Variants in RPS6KB1 observed in about 807,000 individuals in gnomAD.
RPS6KB1 encodes the protein ribosomal protein S6 kinase beta-1.
RPS6KB1 carries 12 observed loss-of-function variants against 70.2 expected under a neutral mutation model. That is an observed-to-expected ratio of 0.17 (90% CI 0.11 to 0.28). The LOEUF is 0.28. RPS6KB1 is among the 10% of genes least tolerant of loss of function. The probability of loss-of-function intolerance (pLI) is 1.00; values close to 1 mark genes in which losing one functional copy is unlikely to be tolerated. For missense variants in RPS6KB1, 270 were observed against 646.6 expected (o/e 0.42, Z 6.32); for synonymous variants, 175 against 211.2 (o/e 0.83, Z 1.49).
intron 2 of RPS6KB1, 107 bp from the exon 3 acceptor site, chr17:59,912,577 A>G: frequency 8.7e-7 from 1 of 1,145,932 alleles, no homozygotes; most frequent in South Asian, 1.6e-5. Flanking sequence ...GTACTTTTTT[A>G]CTTTTACTTA....
At chr17:59,912,495 A>G (rs2042707344) in intron 2 of RPS6KB1, 189 bp from the exon 3 acceptor site, 3 of 515,772 alleles carry the variant, frequency 5.8e-6, no homozygotes, top group East Asian at 6.4e-5. Context: ...ACAAGGAGGC[A>G]AACGATTATC....
In RPS6KB1 at chr17:59,946,995, A is replaced by G; in HGVS notation, c.*207A>G. ...ACTTAAAGCAAAATAGTATTGCTGA[A>G]CTCTTAGGCACATCAATTAATTGAT... On this transcript the variant is annotated 3_prime_UTR_variant, in exon 15 of 15. Coordinates refer to ENST00000225577, the MANE Select transcript of RPS6KB1 (RefSeq NM_003161.4). This position sits in a 1 kb window ranked among gnomAD's most constrained non-coding sequence, Gnocchi z 4.2. The G allele has an allele frequency of 2.9e-6, 4 of 1,392,306 alleles. No individual in the cohort carries two copies. Among genetic ancestry groups the G allele is most frequent in the Non-Finnish European group, 3.7e-6 (4 of 1,073,356 alleles). The allele number at this position is 1,392,306 out of a possible 1,614,324, so 86.2% of individuals were successfully genotyped here.
At chr17:59,938,184 T>TTTG (rs1568492712) in intron 12 of RPS6KB1, among the ~76,000 whole-genome samples, 1 of 109,136 alleles carries the variant, frequency 9.2e-6, no homozygotes, top group Non-Finnish European at 1.8e-5. Context: ...TTTTTTTTTT[T>TTTG]GGGGGGGGGA....
intron 4 of RPS6KB1, among the ~76,000 whole-genome samples, chr17:59,919,947 A>T (rs994734922): frequency 6.6e-6 from 1 of 151,646 alleles, no homozygotes; most frequent in African/African-American, 2.4e-5. Flanking sequence ...ATCTTACCCC[A>T]CTCTGCTACA....
Position 59,893,142 on chromosome 17 carries a change from T to TGATGGC in RPS6KB1, c.-41_-36dup. Reference sequence around the variant, plus strand: ...AGACGCACTGAGCCTAAGCAGCCGGTGATGGCGGCAGCGGCTGTGGTGGCT... The same window carrying TGATGGC: ...AGACGCACTGAGCCTAAGCAGCCGGTGATGGCGATGGCGGCAGCGGCTGTGGTGGCT... On this transcript the variant is annotated 5_prime_UTR_variant, in exon 1 of 15. It adds an upstream start codon to the 5' untranslated region. Transcript: ENST00000225577. The surrounding 1 kb of genome is among the most constrained non-coding windows in gnomAD (Gnocchi z 4.1). The TGATGGC allele has an allele frequency of 6.3e-7, 1 of 1,596,532 alleles. No homozygotes were observed. The highest frequency in any genetic ancestry group is 1.1e-5 in the South Asian group (1 of 88,434).
chr17:59,934,447 T>C lies in RPS6KB1; in HGVS notation c.793T>C (p.Leu265=). 4 of 1,613,786 alleles carry C rather than the reference T, an allele frequency of 2.5e-6. No individual in the cohort carries two copies. The highest frequency in any genetic ancestry group is 3.4e-6 in the Non-Finnish European group (4 of 1,179,724). The change falls in exon 9 of 15, where the codon TTG becomes CTG. Residue 265 remains leucine, a synonymous_variant. Coordinates refer to ENST00000225577, the MANE Select transcript of RPS6KB1 (RefSeq NM_003161.4). The surrounding 1 kb of genome is among the most constrained non-coding windows in gnomAD (Gnocchi z 4.8). Reference sequence around the variant, plus strand: ...TCCTCATTGTAGGGCCCCTGAAATCTTGATGAGAAGTGGCCACAATCGTGC... The same window carrying C: ...TCCTCATTGTAGGGCCCCTGAAATCCTGATGAGAAGTGGCCACAATCGTGC... ...GTIEYMAPEI[L]MRSGHNRAVD...
intron 12 of RPS6KB1, among the ~76,000 whole-genome samples, chr17:59,939,925 G>T (rs1252208150): frequency 3.3e-5 from 5 of 152,048 alleles, no homozygotes; most frequent in Non-Finnish European, 5.9e-5. Flanking sequence ...AAAGAGAGAA[G>T]GAATTAAATA....
intron 3 of RPS6KB1, 57 bp from the exon 4 acceptor site, chr17:59,914,578 A>C: frequency 8.2e-7 from 1 of 1,225,024 alleles, no homozygotes. Context: ...CTAGGAATTA[A>C]GGGAGTATGC....
intron 4 of RPS6KB1, among the ~76,000 whole-genome samples, chr17:59,919,489 C>G (rs912034545): frequency 1.1e-4 from 17 of 151,452 alleles, no homozygotes; most frequent in Admixed American, 4.0e-4. Context: ...GTCTGTAGAT[C>G]TTTTTTTTTC....
intron 4 of RPS6KB1, among the ~76,000 whole-genome samples, chr17:59,924,782 T>C (rs2043498752): frequency 6.6e-6 from 1 of 151,494 alleles, no homozygotes; most frequent in South Asian, 2.1e-4. Flanking sequence ...TTTTGTATCT[T>C]GTTTTTATAG....
intron 1 of RPS6KB1, among the ~76,000 whole-genome samples, chr17:59,902,984 C>A (rs1371041109): frequency 6.6e-6 from 1 of 151,820 alleles, no homozygotes; most frequent in East Asian, 1.9e-4. Context: ...AATTCCAGAC[C>A]GGCCTGGGCA....
intron 4 of RPS6KB1, among the ~76,000 whole-genome samples, chr17:59,919,836 C>G (rs2043166991): frequency 6.6e-6 from 1 of 151,982 alleles, no homozygotes; most frequent in Non-Finnish European, 1.5e-5. Flanking sequence ...TTAATTTTTT[C>G]CCTTCCTTCT....
chr17:59,927,441 C>T (rs1003509397), intron 5 of RPS6KB1, among the ~76,000 whole-genome samples: 1 of 151,878 alleles, frequency 6.6e-6, no homozygotes, highest in African/African-American at 2.4e-5. Context: ...TTTGCAGTAA[C>T]GTGTAACATG....
At position 59,924,198 on chromosome 17, in the gene RPS6KB1, A is replaced by G. The variant is rs547001834; in HGVS notation, c.382-2237A>G. On this transcript the variant is annotated intron_variant, in intron 4 of 14. Coordinates refer to ENST00000225577, the MANE Select transcript of RPS6KB1 (RefSeq NM_003161.4). ...ACAAAAATTAGCCAGGTGTGGTGGCAGGTGCCTGTAGTCCCAGCTACTTGG... is the reference window on the plus strand; with the variant it reads ...ACAAAAATTAGCCAGGTGTGGTGGCGGGTGCCTGTAGTCCCAGCTACTTGG... Among the ~76,000 whole-genome samples the G allele has an allele frequency of 1.2e-4, 19 of 152,164 alleles. No individual in the cohort carries two copies. In the East Asian group the frequency reaches 2.9e-3, roughly 23 times the overall value.
In RPS6KB1 at chr17:59,914,723, T is replaced by C; in HGVS notation, c.381+20T>C. Reference sequence around the variant, plus strand: ...AAAAAGGTGATTTCCACTCCCCCTTTTTAGTCCTCACACACCATATTTTTA... The same window carrying C: ...AAAAAGGTGATTTCCACTCCCCCTTCTTAGTCCTCACACACCATATTTTTA... On this transcript the variant is annotated intron_variant, in intron 4 of 14. Coordinates refer to ENST00000225577, the MANE Select transcript of RPS6KB1 (RefSeq NM_003161.4). 6.5e-7 allele frequency: 1 copy of C among 1,546,870 alleles called. No homozygotes were observed. The highest frequency in any genetic ancestry group is 1.7e-5 in the Admixed American group (1 of 59,014).
In RPS6KB1 at chr17:59,912,691, G is replaced by A. The variant is rs369352640; in HGVS notation, c.199G>A (p.Glu67Lys). Residue 67 changes from glutamate to lysine, a missense_variant, in exon 3 of 15, where the codon GAA becomes AAA. By Grantham distance (56) the Glu-to-Lys change is moderately conservative. Coordinates refer to ENST00000225577, the MANE Select transcript of RPS6KB1 (RefSeq NM_003161.4). ...TTTTGCTTTTCTTCCCAGTGGCATG[G>A]AACATTGTGAGAAATTTGAAATCTC... ...GGVGPYELGMEHCEKFEISET... is the reference protein window; with the variant it reads ...GGVGPYELGMKHCEKFEISET... 1 of 1,612,594 alleles carries A rather than the reference G, an allele frequency of 6.2e-7. No individual in the cohort carries two copies. Among genetic ancestry groups the A allele is most frequent in the African/African-American group, 1.3e-5 (1 of 74,864 alleles).
chr17:59,944,288 G>C (rs1047715226), intron 13 of RPS6KB1, among the ~76,000 whole-genome samples: 10 of 152,206 alleles, frequency 6.6e-5, no homozygotes, highest in African/African-American at 2.4e-4. Flanking sequence ...TTAAAAGAAT[G>C]AACATTGACA....
chr17:59,909,904 C>T (rs1428431712), intron 1 of RPS6KB1, among the ~76,000 whole-genome samples: 4 of 151,942 alleles, frequency 2.6e-5, no homozygotes, highest in Admixed American at 6.6e-5. Flanking sequence ...CCCAGCTACT[C>T]GGAAGGCTGA....
intron 7 of RPS6KB1, among the ~76,000 whole-genome samples, chr17:59,932,647 G>T (rs1012168240): frequency 6.6e-6 from 1 of 151,186 alleles, no homozygotes; most frequent in Non-Finnish European, 1.5e-5. Context: ...CGCCTCCCAG[G>T]CTCAAGTGAT....
Sources: allele counts gnomAD v4.1 joint callset (sites outside exome capture counted in the v4.1 genomes callset), GRCh38; gene constraint gnomAD v4.1.1; non-coding constraint Gnocchi (gnomAD v3.1); transcripts MANE v1.5; gene names NCBI Gene and HGNC (gene_info 2026-07-23, HGNC 2026-07-21).